The following LRIG3 variants were observed in gnomAD, a reference collection of about 807,000 sequenced individuals.
LRIG3 encodes leucine rich repeats and immunoglobulin like domains 3.
LRIG3 carries 76 observed loss-of-function variants against 114.5 expected under a neutral mutation model. The ratio of observed to expected loss-of-function variants is 0.66; its 90% CI spans 0.55 to 0.80. The LOEUF (loss-of-function observed/expected upper bound fraction) is 0.80. Among genes scored for constraint, LRIG3 ranks in the 30% least tolerant of loss-of-function variants. The probability of loss-of-function intolerance (pLI) is 0.00; values close to 1 mark genes in which losing one functional copy is unlikely to be tolerated. For missense variants in LRIG3, 1,239 were observed against 1,382.8 expected (o/e 0.90, Z 1.65); for synonymous variants, 512 against 519.8 (o/e 0.98, Z 0.20).
chr12:58,882,998 G>A lies in LRIG3; in HGVS notation c.1351C>T (p.Gln451Ter). ...ACCCACTGTGGGAGCCATTTTAGCTGGCAATCGCACAAAAGGCTTGATGTA... is the reference window on the plus strand; with the variant it reads ...ACCCACTGTGGGAGCCATTTTAGCTAGCAATCGCACAAAAGGCTTGATGTA... ...LNTSSLLCDC[Q>*]LKWLPQWVAE... The change falls in exon 12 of 19, where the codon CAG becomes TAG. Residue 451 changes from glutamine to a stop codon, truncating the protein, a stop_gained. Coordinates refer to ENST00000320743, the MANE Select transcript of LRIG3 (RefSeq NM_153377.5). LOFTEE classifies it high-confidence loss of function. 6.2e-7 allele frequency: 1 copy of A among 1,613,938 alleles called. No homozygotes were observed. The highest frequency in any genetic ancestry group is 8.5e-7 in the Non-Finnish European group (1 of 1,179,924).
At chr12:58,875,108 G>A (rs933894593) in intron 16 of LRIG3, among the ~76,000 whole-genome samples, 2 of 152,234 alleles carry the variant, frequency 1.3e-5, no homozygotes, top group Non-Finnish European at 2.9e-5. Flanking sequence ...GCAGCAAGAG[G>A]TGGTGGGCTG....
At position 58,914,564 on chromosome 12, in the gene LRIG3, G is replaced by A. The variant is rs1004137759; in HGVS notation, c.237-228C>T. ...ATTCAAATACTTTAAGCCCACAAAT[G>A]TTTTAAGAGATGTTTTTTTGGCACG... On this transcript the variant is annotated intron_variant, in intron 1 of 18. Transcript: ENST00000320743. 1.0e-5 allele frequency: 5 copies of A among 483,046 alleles called. No individual in the cohort carries two copies. In the Admixed American group the frequency reaches 1.8e-4, roughly 17 times the overall value. 29.9% of individuals were successfully genotyped at this position (483,046 alleles called of 1,614,324 possible). A position where few individuals can be genotyped will look rare whatever the true frequency, so the allele number is the denominator to read the frequency against.
In LRIG3 at chr12:58,888,010, C is replaced by T. The variant is rs149645223; in HGVS notation, c.948-78G>A. On this transcript the variant is annotated intron_variant, in intron 7 of 18. Coordinates refer to ENST00000320743, the MANE Select transcript of LRIG3 (RefSeq NM_153377.5). ...TGATTTGTTTTCCAAAAGACAGGTA[C>T]TGTATGAGCTACACTAATCCTTATT... 466 of 1,291,818 alleles carry T rather than the reference C, an allele frequency of 3.6e-4. No individual in the cohort carries two copies. In the Middle Eastern group the frequency reaches 3.8e-3, roughly 10 times the overall value. The allele number at this position is 1,291,818 out of a possible 1,614,324, so 80.0% of individuals were successfully genotyped here.
At chr12:58,889,083 A>C in intron 5 of LRIG3, 121 bp from the exon 6 acceptor site, 1 of 950,804 alleles carries the variant, frequency 1.1e-6, no homozygotes, top group Admixed American at 2.7e-5. Flanking sequence ...CAGTGTTTTC[A>C]GTTTCTAAAC....
At chr12:58,916,182 A>G (rs1014570543) in intron 1 of LRIG3, among the ~76,000 whole-genome samples, 4 of 152,188 alleles carry the variant, frequency 2.6e-5, no homozygotes, top group Non-Finnish European at 5.9e-5. Context: ...TAGTAATGGG[A>G]TAAGATTCCT....
chr12:58,915,641 G>T (rs1872452992), intron 1 of LRIG3, among the ~76,000 whole-genome samples: 1 of 152,098 alleles, frequency 6.6e-6, no homozygotes, highest in Non-Finnish European at 1.5e-5. Flanking sequence ...TGTTCTGGTA[G>T]AGTTATAACA....
intron 1 of LRIG3, among the ~76,000 whole-genome samples, chr12:58,915,846 C>T (rs1332375698): frequency 2.0e-5 from 3 of 152,098 alleles, no homozygotes; most frequent in Admixed American, 2.0e-4. Context: ...GCTTTTAGCA[C>T]CCCAGACAGT....
intron 3 of LRIG3, among the ~76,000 whole-genome samples, chr12:58,894,654 A>G (rs1195851000): frequency 6.6e-6 from 1 of 152,242 alleles, no homozygotes; most frequent in Non-Finnish European, 1.5e-5. Context: ...CTTGATCAAC[A>G]CATTAAAAAG....
In LRIG3 at chr12:58,886,901, A is replaced by G; in HGVS notation, c.1092-11T>C. 6.2e-7 allele frequency: 1 copy of G among 1,606,538 alleles called. No individual in the cohort carries two copies. Among genetic ancestry groups the G allele is most frequent in the South Asian group, 1.1e-5 (1 of 90,842 alleles). ...TTGTTCTTCAGATCCCTAATTTTAA[A>G]AGAAGCATTCCCTTTAGAGTGATAA... On this transcript the variant is annotated splice_polypyrimidine_tract_variant and intron_variant, in intron 8 of 18. Coordinates refer to ENST00000320743, the MANE Select transcript of LRIG3 (RefSeq NM_153377.5).
Position 58,908,962 on chromosome 12 carries a change from T to C in LRIG3, c.383+5020A>G, listed in dbSNP as rs145978523. Among the ~76,000 whole-genome samples the C allele has an allele frequency of 6.9e-4, 105 of 152,296 alleles. 1 individual carries two copies. Among genetic ancestry groups the C allele is most frequent in the African/African-American group, 2.4e-3 (100 of 41,552 alleles). On this transcript the variant is annotated intron_variant, in intron 3 of 18. Coordinates refer to ENST00000320743, the MANE Select transcript of LRIG3 (RefSeq NM_153377.5). Reference sequence around the variant, plus strand: ...ATTTAATTACTGCGTAAGTTGGATATACAAGGTAAGATGGGCCTGAATGTG... The same window carrying C: ...ATTTAATTACTGCGTAAGTTGGATACACAAGGTAAGATGGGCCTGAATGTG...
intron 3 of LRIG3, among the ~76,000 whole-genome samples, chr12:58,911,178 T>C (rs890998447): frequency 6.7e-6 from 1 of 150,346 alleles, no homozygotes; most frequent in Middle Eastern, 3.2e-3. Context: ...TGAGCTTTGT[T>C]AGTGGGAAGA....
chr12:58,880,660 G>C lies in LRIG3; in HGVS notation c.1722C>G (p.Ala574=). The change falls in exon 13 of 19, where the codon GCC becomes GCG. Residue 574 remains alanine, a synonymous_variant. Coordinates refer to ENST00000320743, the MANE Select transcript of LRIG3 (RefSeq NM_153377.5). ...TGACACACTGATATTTCCCCTCACT[G>C]GCAAATTCCACCTCGCGCAGCCGAA... ...TILRLREVEF[A]SEGKYQCVIS... is the part of the protein sequence containing the mutation. The C allele has an allele frequency of 6.2e-7, 1 of 1,614,190 alleles. No homozygotes were observed. The highest frequency in any genetic ancestry group is 1.7e-5 in the Admixed American group (1 of 60,022).
intron 8 of LRIG3, 175 bp from the exon 9 acceptor site, chr12:58,887,065 T>A (rs1458329477): frequency 1.9e-6 from 1 of 538,394 alleles, no homozygotes; most frequent in African/African-American, 1.9e-5. Context: ...CCTGCCTGAT[T>A]CCCTCAACAA....
At chr12:58,900,018 C>A (rs1053643375) in intron 3 of LRIG3, among the ~76,000 whole-genome samples, 1 of 152,020 alleles carries the variant, frequency 6.6e-6, no homozygotes, top group Non-Finnish European at 1.5e-5. Context: ...GAAGATGTTG[C>A]CCCCCCTCAA....
intron 3 of LRIG3, among the ~76,000 whole-genome samples, chr12:58,900,028 A>G (rs1871787675): frequency 6.6e-6 from 1 of 152,104 alleles, no homozygotes; most frequent in South Asian, 2.1e-4. Flanking sequence ...CCCCCCCTCA[A>G]TCATTACCCC....
intron 3 of LRIG3, among the ~76,000 whole-genome samples, chr12:58,893,809 T>C (rs1871536556): frequency 6.6e-6 from 1 of 152,212 alleles, no homozygotes; most frequent in Non-Finnish European, 1.5e-5. Context: ...CCCCTCTCTC[T>C]ATCCCCTCCC....
rs149467071 is a variant in LRIG3, at chr12:58,876,491, G to A, written c.2649C>T (p.Val883=). The change falls in exon 16 of 19, where the codon GTC becomes GTT. Residue 883 remains valine (V), a synonymous_variant. Coordinates refer to ENST00000320743, the MANE Select transcript of LRIG3 (RefSeq NM_153377.5). ...SSESGSHHQF[V]TSSGAGFFLP... is the part of the protein sequence containing the mutation. ...AGAAAAATCCAGCACCTGAAGATGT[G>A]ACAAACTGGTGGTGGCTTCCACTTT... 267 of 1,614,076 alleles carry A rather than the reference G, an allele frequency of 1.7e-4. 2 individuals are homozygous for A. In the African/African-American group the frequency reaches 3.2e-3, roughly 19 times the overall value.
chr12:58,883,648 G>A, intron 10 of LRIG3, 57 bp from the exon 11 acceptor site: 7 of 1,392,748 alleles, frequency 5.0e-6, no homozygotes, highest in Non-Finnish European at 6.9e-6. Flanking sequence ...TCGTGCTTTT[G>A]GACAAAGTTT....
intron 3 of LRIG3, among the ~76,000 whole-genome samples, chr12:58,901,758 C>A (rs1204442492): frequency 1.3e-5 from 2 of 152,186 alleles, no homozygotes; most frequent in East Asian, 3.8e-4. Flanking sequence ...CACAGAACGA[C>A]AACAGGTAGA....
Sources: gnomAD v4.1 joint callset for allele counts (sites outside exome capture counted in the v4.1 genomes callset) on GRCh38, gnomAD v4.1.1 for gene constraint, MANE v1.5 for transcripts, NCBI Gene and HGNC (gene_info 2026-07-23, HGNC 2026-07-21) for gene names.